The following MCF2 variants were observed in gnomAD, a reference collection of about 807,000 sequenced individuals.
MCF2 encodes MCF.2 cell line derived transforming sequence, also known as proto-oncogene DBL.
Under a neutral mutation model 82.5 loss-of-function variants are expected in MCF2, and 44 were observed. That is an observed-to-expected ratio of 0.53 (90% confidence interval 0.42 to 0.69). MCF2 has a LOEUF of 0.69. Among genes scored for constraint, MCF2 ranks in the 30% least tolerant of loss-of-function variants. The pLI is 0.00. For missense variants in MCF2, 623 were observed against 663.1 expected, an observed-to-expected ratio of 0.94 and a Z score of 0.66; for synonymous variants, 217 against 224.9, an observed-to-expected ratio of 0.96 and a Z score of 0.32.
chrX:139,697,941 A>C (rs1935415339), intron 1 of MCF2, among the ~76,000 whole-genome samples: 1 of 111,782 alleles, frequency 8.9e-6, no homozygotes, highest in Admixed American at 9.5e-5. Flanking sequence ...GAAGTTCAAG[A>C]CCAGCCTGAG....
At chrX:139,633,198 A>G (rs1021748446) in intron 1 of MCF2, among the ~76,000 whole-genome samples, 2 of 111,531 alleles carry the variant, frequency 1.8e-5, no homozygotes, top group Non-Finnish European at 3.8e-5. Context: ...TAGTTCACCA[A>G]TGTTTCCCCA....
At chrX:139,651,748 G>T in exon 2 of MCF2, 1 of 1,163,171 alleles carries the variant, frequency 8.6e-7, no homozygotes, top group South Asian at 1.9e-5. Flanking sequence ...CTTGCATTAA[G>T]AAATGACTGA....
At chrX:139,610,073 T>C (rs1327030696) in intron 11 of MCF2, among the ~76,000 whole-genome samples, 2 of 112,293 alleles carry the variant, frequency 1.8e-5, no homozygotes, top group African/African-American at 6.5e-5. Flanking sequence ...ACAGAAATGA[T>C]TCTAACCTTG....
intron 1 of MCF2, among the ~76,000 whole-genome samples, chrX:139,688,566 G>T (rs765587895): frequency 8.9e-6 from 1 of 112,182 alleles, no homozygotes; most frequent in East Asian, 2.8e-4. Flanking sequence ...AGTAAAATTT[G>T]CAGTGAACAG....
chrX:139,590,171 A>T (rs1351280735), intron 19 of MCF2, among the ~76,000 whole-genome samples: 1 of 111,487 alleles, frequency 9.0e-6, no homozygotes, highest in African/African-American at 3.3e-5. Context: ...AAATGTTATA[A>T]ATCTGAACAT....
At chrX:139,629,821 T>C (rs748166975) in exon 4 of MCF2, 1 of 1,209,038 alleles carries the variant, frequency 8.3e-7, no homozygotes, top group Non-Finnish European at 1.1e-6. Flanking sequence ...TTTCTTTCAC[T>C]GTGAGGGCAA....
chrX:139,586,345 T>G, intron 23 of MCF2, 33 bp downstream of exon 27: 636 of 1,054,501 alleles, frequency 6.0e-4, no homozygotes, highest in Non-Finnish European at 7.6e-4. Flanking sequence ...TGCACACCCA[T>G]GAGTCTCGTC....
chrX:139,699,458 C>G (rs776061405), intron 1 of MCF2, among the ~76,000 whole-genome samples: 3 of 112,057 alleles, frequency 2.7e-5, no homozygotes, highest in Non-Finnish European at 5.6e-5. Flanking sequence ...TTTAGAACAT[C>G]TCATCGTCCC....
intron 6 of MCF2, among the ~76,000 whole-genome samples, chrX:139,623,811 C>T (rs1173799488): frequency 8.9e-6 from 1 of 111,965 alleles, no homozygotes; most frequent in African/African-American, 3.2e-5. Context: ...GAAGGGAAGG[C>T]TCTTGCTTCA....
intron 1 of MCF2, among the ~76,000 whole-genome samples, chrX:139,660,677 A>G (rs1240894938): frequency 8.9e-6 from 1 of 112,714 alleles, no homozygotes; most frequent in Non-Finnish European, 1.9e-5. Context: ...ATTGGACTAC[A>G]GTAAAACAAT....
intron 16 of MCF2, 86 bp from the exon 21 acceptor site, chrX:139,598,584 C>T: frequency 2.2e-6 from 1 of 457,038 alleles, no homozygotes. Flanking sequence ...AAACCTAATG[C>T]CCCAATGTTT....
chrX:139,625,097 A>G (rs1472839675), intron 6 of MCF2, among the ~76,000 whole-genome samples: 5 of 111,374 alleles, frequency 4.5e-5, no homozygotes, highest in Non-Finnish European at 1.9e-5. Flanking sequence ...GTTTCTAGAC[A>G]TACAGAACTT....
rs143265178 is a variant in MCF2 at position 139,695,626 on chromosome X, C to T, written c.-45+12480G>A. 8.4e-3 allele frequency among the ~76,000 whole-genome samples: 935 copies of T among 111,945 alleles called. 13 individuals are homozygous for T. Among genetic ancestry groups the T allele is most frequent in the African/African-American group, 0.029 (889 of 30,796 alleles). The stretch of plus-strand genomic sequence containing the variant: ...GCTCCTTCTGTGTCATCCATAAAAT[C>T]ATTAATTATGCAGTCATTGAAAATA... On this transcript the variant is annotated intron_variant, in intron 1 of 27. Coordinates refer to the MCF2 transcript ENST00000414978.
intron 1 of MCF2, among the ~76,000 whole-genome samples, chrX:139,684,564 G>A (rs558929835): frequency 1.8e-5 from 2 of 112,119 alleles, no homozygotes; most frequent in Admixed American, 1.9e-4. Flanking sequence ...TAACCAAAAG[G>A]TGGAAACCAC....
At chrX:139,624,088 T>C (rs780339413) in intron 6 of MCF2, among the ~76,000 whole-genome samples, 1 of 111,383 alleles carries the variant, frequency 9.0e-6, no homozygotes, top group African/African-American at 3.3e-5. Context: ...AGAATCCACA[T>C]CAACAATAAG....
At chrX:139,656,171 C>T (rs764291214) in intron 1 of MCF2, among the ~76,000 whole-genome samples, 9 of 112,100 alleles carry the variant, frequency 8.0e-5, no homozygotes, top group Non-Finnish European at 1.5e-4. Context: ...ACACCATTCT[C>T]CTGCCTCAGC....
chrX:139,584,272 A>AT (rs1928751193), intron 24 of MCF2, among the ~76,000 whole-genome samples: 1 of 109,064 alleles, frequency 9.2e-6, no homozygotes, highest in Admixed American at 9.9e-5. Context: ...AATAGCTGGG[A>AT]TTACAGGCAT....
At chrX:139,677,585 C>T (rs192204543) in intron 1 of MCF2, among the ~76,000 whole-genome samples, 1 of 111,549 alleles carries the variant, frequency 9.0e-6, no homozygotes, top group African/African-American at 3.3e-5. Context: ...TTCTGCATCA[C>T]CTTCTCCAAA....
intron 15 of MCF2, among the ~76,000 whole-genome samples, 168 bp from the exon 20 acceptor site, chrX:139,602,666 C>T (rs5909048): frequency 2.0e-3 from 223 of 112,220 alleles, no homozygotes; most frequent in Non-Finnish European, 3.6e-3. Context: ...GAACAGCATG[C>T]CCATTGCATC....
Sources: gnomAD v4.1 joint callset for allele counts (sites outside exome capture counted in the v4.1 genomes callset) on GRCh38, gnomAD v4.1.1 for gene constraint, MANE v1.5 for transcripts, NCBI Gene and HGNC (gene_info 2026-07-23, HGNC 2026-07-21) for gene names.